Variants in DHX8 observed in about 807,000 individuals in gnomAD.
DHX8 encodes the protein ATP-dependent RNA helicase DHX8.
In DHX8, 67 loss-of-function variants were observed where a neutral mutation model predicts 140.7. The ratio of observed to expected loss-of-function variants is 0.48; its 90% confidence interval spans 0.39 to 0.58. The LOEUF is 0.58. DHX8 is among the 20% of genes least tolerant of loss of function. DHX8 has a pLI of 0.00. For missense variants in DHX8, 887 were observed against 1,550.7 expected (o/e 0.57, Z 7.19); for synonymous variants, 533 against 553.2 (o/e 0.96, Z 0.51).
intron 4 of DHX8, among the ~76,000 whole-genome samples, chr17:43,491,779 A>G (rs980806863): frequency 9.2e-5 from 14 of 152,180 alleles, no homozygotes; most frequent in Non-Finnish European, 1.9e-4. Flanking sequence ...TAAACAAACA[A>G]ATAGGTATGT....
chr17:43,506,305 C>T (rs545196716), intron 12 of DHX8, among the ~76,000 whole-genome samples: 3 of 150,646 alleles, frequency 2.0e-5, no homozygotes, highest in East Asian at 4.1e-4. Context: ...TGTGCCTGGC[C>T]TTCTTAAACA....
intron 17 of DHX8, 74 bp from the exon 18 acceptor site, chr17:43,517,093 T>G: frequency 2.0e-6 from 3 of 1,472,994 alleles, no homozygotes; most frequent in Non-Finnish European, 1.8e-6. Flanking sequence ...TGTCCCCCTT[T>G]TAACAGATAT....
In DHX8 at chr17:43,513,494, A is replaced by T. The variant is rs747134967; in HGVS notation, c.2635A>T (p.Ile879Phe). The T allele has an allele frequency of 6.2e-7, 1 of 1,613,798 alleles. No individual in the cohort carries two copies. Among genetic ancestry groups the T allele is most frequent in the Non-Finnish European group, 8.5e-7 (1 of 1,179,860 alleles). ...TGIDQLVVTP[I>F]SQAQAKQRAG... ...GATTGACCAGCTCGTGGTGACGCCTATTTCTCAGGTATGACGGCTTGTATC... is the reference window on the plus strand; with the variant it reads ...GATTGACCAGCTCGTGGTGACGCCTTTTTCTCAGGTATGACGGCTTGTATC... Residue 879 changes from isoleucine to phenylalanine, a missense_variant, in exon 17 of 23, where the codon ATT becomes TTT. Ile to Phe is a conservative substitution (Grantham distance 21, BLOSUM62 0). Transcript: ENST00000262415.
In DHX8 at chr17:43,523,866, T is replaced by C; in HGVS notation, c.*19T>C. 1.9e-6 allele frequency: 3 copies of C among 1,614,004 alleles called. No homozygotes were observed. Among genetic ancestry groups the C allele is most frequent in the Non-Finnish European group, 2.5e-6 (3 of 1,179,940 alleles). On this transcript the variant is annotated 3_prime_UTR_variant, in exon 23 of 23. Coordinates refer to ENST00000262415, the MANE Select transcript of DHX8 (RefSeq NM_004941.3). ...GCGCTGAAAGGCAAGATTGTTCCTTTGCCTCTCCAGCAGCAGTAGCCAGGG... is the reference window on the plus strand; with the variant it reads ...GCGCTGAAAGGCAAGATTGTTCCTTCGCCTCTCCAGCAGCAGTAGCCAGGG...
chr17:43,538,554 G>A (rs1399296750), intron 3 of DHX8, among the ~76,000 whole-genome samples: 1 of 152,140 alleles, frequency 6.6e-6, no homozygotes, highest in Non-Finnish European at 1.5e-5. Flanking sequence ...CTCATCCATG[G>A]CTTCTAACCT....
chr17:43,496,205 AAAG>A lies in DHX8; in HGVS notation c.1243_1245del (p.Glu415del), dbSNP rs1968847912. 1 of 1,613,894 alleles carries A rather than the reference AAAG, an allele frequency of 6.2e-7. No individual in the cohort carries two copies. The highest frequency in any genetic ancestry group is 8.5e-7 in the Non-Finnish European group (1 of 1,179,942). ...GATGATTGCTGCCAATGTCCTTTCC[AAAG>A]AAGAATTTCCAGACTTTGATGAAGA... is the stretch of plus-strand genomic sequence containing the variant. On this transcript the variant is annotated inframe_deletion, in exon 9 of 23. Transcript: ENST00000262415.
Position 43,524,300 on chromosome 17 carries a change from T to C in DHX8, c.*453T>C. Reference sequence around the variant, plus strand: ...TTTGGCTTGACCTCGTGGAAATATTTATTTTCTTAAGGAAACAAAAATGGT... The same window carrying C: ...TTTGGCTTGACCTCGTGGAAATATTCATTTTCTTAAGGAAACAAAAATGGT... On this transcript the variant is annotated 3_prime_UTR_variant, in exon 23 of 23. Coordinates refer to ENST00000262415, the MANE Select transcript of DHX8 (RefSeq NM_004941.3). 2 of 1,004,480 alleles carry C rather than the reference T, an allele frequency of 2.0e-6. No individual in the cohort carries two copies. The highest frequency in any genetic ancestry group is 2.4e-6 in the Non-Finnish European group (2 of 841,644). 62.2% of individuals were successfully genotyped at this position (1,004,480 alleles called of 1,614,324 possible). A position where few individuals can be genotyped will look rare whatever the true frequency, so the allele number is the denominator to read the frequency against.
In DHX8 at chr17:43,484,944, T is replaced by C. The variant is rs1170448828; in HGVS notation, c.148+759T>C. Among the ~76,000 whole-genome samples, 4 of 152,004 alleles carry C rather than the reference T, an allele frequency of 2.6e-5. No individual in the cohort carries two copies. In the East Asian group the frequency reaches 7.7e-4, roughly 29 times the overall value. ...AGGCGTGAGCCATTGCGTCCTGTAC[T>C]ATGTCTTAAACACCAGTCACTAGAT... On this transcript the variant is annotated intron_variant, in intron 1 of 22. Transcript: ENST00000262415.
intron 11 of DHX8, among the ~76,000 whole-genome samples, chr17:43,502,622 A>C (rs2154586574): frequency 6.6e-6 from 1 of 152,110 alleles, no homozygotes; most frequent in South Asian, 2.1e-4. Flanking sequence ...ACAGCGTTTC[A>C]CCATGTTGGT....
intron 9 of DHX8, among the ~76,000 whole-genome samples, chr17:43,498,503 G>A (rs1046654177): frequency 3.3e-5 from 5 of 151,092 alleles, no homozygotes; most frequent in Non-Finnish European, 7.4e-5. Flanking sequence ...AGGCTGGAGT[G>A]CAATGGCTTG....
intron 18 of DHX8, chr17:43,519,225 A>G (rs1598173728): frequency 6.6e-6 from 1 of 152,226 alleles, no homozygotes; most frequent in East Asian, 1.9e-4. Context: ...CCAGCAATGC[A>G]TGAGGTTTCT....
chr17:43,486,663 G>A (rs537942512), intron 1 of DHX8, among the ~76,000 whole-genome samples: 39 of 152,030 alleles, frequency 2.6e-4, no homozygotes, highest in South Asian at 1.2e-3. Flanking sequence ...GGTGGATCAC[G>A]AGGTCAGGAG....
intron 18 of DHX8, chr17:43,519,474 C>A (rs1187327447): frequency 6.7e-6 from 1 of 149,230 alleles, no homozygotes; most frequent in Non-Finnish European, 1.5e-5. Context: ...TGTCCTTTTG[C>A]TGTTGAGTTG....
At chr17:43,485,507 C>T (rs1007476104) in intron 1 of DHX8, among the ~76,000 whole-genome samples, 2 of 152,108 alleles carry the variant, frequency 1.3e-5, no homozygotes, top group African/African-American at 4.8e-5. Flanking sequence ...ACTTTTCCCG[C>T]AGGATTCTTC....
At position 43,493,540 on chromosome 17, in the gene DHX8, A is replaced by G. The variant is rs1341991358; in HGVS notation, c.959A>G (p.Lys320Arg). The G allele has an allele frequency of 8.7e-6, 14 of 1,614,044 alleles. No individual in the cohort carries two copies. The highest frequency in any genetic ancestry group is 4.2e-6 in the Non-Finnish European group (5 of 1,180,020). Reference protein sequence around the residue: ...ADVVSKGQRVKVKVLSFTGTK... With the variant: ...ADVVSKGQRVRVKVLSFTGTK... ...GTCGTGAGCAAAGGCCAGAGGGTCAAAGTCAAAGTGCTGTCCTTCACTGGG... is the reference window on the plus strand; with the variant it reads ...GTCGTGAGCAAAGGCCAGAGGGTCAGAGTCAAAGTGCTGTCCTTCACTGGG... The change falls in exon 7 of 23, where the codon AAA (lysine) becomes AGA (arginine). Residue 320 changes from lysine to arginine, a missense_variant. Lys to Arg is a conservative substitution (Grantham distance 26, BLOSUM62 2). Coordinates refer to ENST00000262415, the MANE Select transcript of DHX8 (RefSeq NM_004941.3).
intron 4 of DHX8, 38 bp downstream of exon 4, chr17:43,491,288 A>G (rs749140945): frequency 1.8e-6 from 2 of 1,133,690 alleles, no homozygotes; most frequent in Non-Finnish European, 2.5e-6. Flanking sequence ...CTATAAATAT[A>G]TATTCTCAAC....
intron 4 of DHX8, 21 bp downstream of exon 4, chr17:43,491,271 G>GC: frequency 1.5e-6 from 2 of 1,328,308 alleles, no homozygotes; most frequent in South Asian, 1.5e-5. Context: ...CATTTTAAGA[G>GC]TGTCTACTAT....
downstream of DHX8, chr17:43,526,513 C>T: frequency 6.5e-7 from 1 of 1,535,552 alleles, no homozygotes; most frequent in South Asian, 1.2e-5. Flanking sequence ...CACTTCCTCC[C>T]TGTGGTTGCT....
Position 43,522,768 on chromosome 17 carries a change from AC to A in DHX8, c.3443+544del, listed in dbSNP as rs751120465. Reference sequence around the variant, plus strand: ...ATCTCAAAAAAAAAAAAAAAAAAAAACCAACTACCTAGGGGCTAGGCATGGT... The same window carrying A: ...ATCTCAAAAAAAAAAAAAAAAAAAAACAACTACCTAGGGGCTAGGCATGGT... On this transcript the variant is annotated intron_variant, in intron 22 of 22. Coordinates refer to ENST00000262415, the MANE Select transcript of DHX8 (RefSeq NM_004941.3). Among the ~76,000 whole-genome samples, 232 of 144,698 alleles carry A rather than the reference AC, an allele frequency of 1.6e-3. 22 individuals are homozygous for A. The highest frequency in any genetic ancestry group is 3.7e-3 in the Middle Eastern group (1 of 270). The allele number at this position is 144,698 out of a possible 152,430, so 94.9% of individuals were successfully genotyped here.
Sources: gnomAD v4.1 joint callset for allele counts (sites outside exome capture counted in the v4.1 genomes callset) on GRCh38, gnomAD v4.1.1 for gene constraint, MANE v1.5 for transcripts, NCBI Gene and HGNC (gene_info 2026-07-23, HGNC 2026-07-21) for gene names.